The following NLRP11 variants were observed in gnomAD, a reference collection of about 807,000 sequenced individuals.
NLRP11 encodes the protein NLR family pyrin domain containing 11.
In NLRP11, 53 loss-of-function variants were observed where a neutral mutation model predicts 79.3. That is an observed-to-expected ratio of 0.67 (90% CI 0.54 to 0.84). The LOEUF (loss-of-function observed/expected upper bound fraction) is 0.84, where lower values mean the gene tolerates loss of function less well. Among genes scored for constraint, NLRP11 ranks in the 40% least tolerant of loss-of-function variants. The pLI is 0.00. For missense variants in NLRP11, 1,264 were observed against 1,255.0 expected (o/e 1.01, Z -0.11); for synonymous variants, 518 against 462.6 (o/e 1.12, Z -1.54).
At chr19:55,820,430 A>T (rs1246575428) in intron 1 of NLRP11, among the ~76,000 whole-genome samples, 1 of 152,098 alleles carries the variant, frequency 6.6e-6, no homozygotes, top group Non-Finnish European at 1.5e-5. Context: ...GTGGCAGGGG[A>T]TAGACAAATG....
At chr19:55,808,864 T>C (rs1000675174) in exon 3 of NLRP11, 1 of 1,613,966 alleles carries the variant, frequency 6.2e-7, no homozygotes, top group Non-Finnish European at 8.5e-7. Flanking sequence ...CCAGACAGTA[T>C]AATGAGACCA....
chr19:55,827,678 C>T (rs1982363210), intron 1 of NLRP11, among the ~76,000 whole-genome samples: 1 of 151,640 alleles, frequency 6.6e-6, no homozygotes, highest in African/African-American at 2.4e-5. Flanking sequence ...CTCATCATCA[C>T]TGGCCATCAG....
In NLRP11 at chr19:55,821,262, A is replaced by AGTTTGTAAT. The variant is rs1981704286; in HGVS notation, c.-62-3035_-62-3027dup. The stretch of plus-strand genomic sequence containing the variant: ...ACACACACACACACCCCAAGCACTG[A>AGTTTGTAAT]GTTTGTAATGATCTTCCACAGCAGC... On this transcript the variant is annotated intron_variant, in intron 1 of 9. Transcript: ENST00000589093. Among the ~76,000 whole-genome samples, 8 of 149,096 alleles carry AGTTTGTAAT rather than the reference A, an allele frequency of 5.4e-5. No homozygotes were observed. The South Asian group carries it at 1.5e-3, about 28-fold the overall frequency.
At chr19:55,796,313 TAAAAAA>T in intron 5 of NLRP11, 63 bp from the exon 6 acceptor site, 1 of 1,013,218 alleles carries the variant, frequency 9.9e-7, no homozygotes, top group Non-Finnish European at 1.4e-6. Flanking sequence ...TCTTTTAAAT[TAAAAAA>T]AAAAAAAAAG....
intron 5 of NLRP11, 128 bp from the exon 6 acceptor site, chr19:55,796,378 C>A: frequency 1.3e-6 from 1 of 771,068 alleles, no homozygotes; most frequent in East Asian, 2.7e-5. Flanking sequence ...AAATAGATCC[C>A]TTTGCTTCTA....
At chr19:55,819,642 G>A (rs1981489772) in intron 1 of NLRP11, among the ~76,000 whole-genome samples, 1 of 152,152 alleles carries the variant, frequency 6.6e-6, no homozygotes, top group African/African-American at 2.4e-5. Flanking sequence ...CAGAGAACAA[G>A]GGATAAATAG....
At chr19:55,828,166 A>G (rs1286118784) in intron 1 of NLRP11, among the ~76,000 whole-genome samples, 7 of 151,564 alleles carry the variant, frequency 4.6e-5, no homozygotes, top group Non-Finnish European at 7.4e-5. Context: ...TATCACAAGA[A>G]CAAAAAACCA....
At chr19:55,834,983 G>A (rs182452315), upstream of NLRP11, among the ~76,000 whole-genome samples, 15 of 152,208 alleles carry the variant, frequency 9.9e-5, no homozygotes, top group East Asian at 2.7e-3. Context: ...AATTTATTTT[G>A]GTGGGAACCC....
At chr19:55,788,345 A>G (rs1452187585) in intron 9 of NLRP11, among the ~76,000 whole-genome samples, 2 of 151,182 alleles carry the variant, frequency 1.3e-5, no homozygotes, top group Admixed American at 6.6e-5. Flanking sequence ...TACATTTTCA[A>G]TCTCCCAAGA....
rs994534757 is a variant in NLRP11 at position 55,811,043 on chromosome 19, G to A, written c.272-705C>T. On this transcript the variant is annotated intron_variant, in intron 2 of 9. Coordinates refer to ENST00000589093, the Ensembl canonical transcript of NLRP11. ...GAGTTCAGGGACTGTTTCCTGGTACGTATTCAGCTCAAAGTATCTATTACA... is the reference window on the plus strand; with the variant it reads ...GAGTTCAGGGACTGTTTCCTGGTACATATTCAGCTCAAAGTATCTATTACA... Among the ~76,000 whole-genome samples the A allele has an allele frequency of 3.9e-5, 6 of 152,086 alleles. No individual in the cohort carries two copies. The East Asian group carries it at 5.8e-4, about 15-fold the overall frequency.
intron 4 of NLRP11, among the ~76,000 whole-genome samples, chr19:55,803,387 T>C (rs778159009): frequency 6.6e-6 from 1 of 152,116 alleles, no homozygotes; most frequent in Non-Finnish European, 1.5e-5. Context: ...AATACCATTC[T>C]GGACATAGGA....
rs762265146 is a variant in NLRP11 at position 55,792,517 on chromosome 19, A to G, written c.2343-46T>C. 4.5e-6 allele frequency: 7 copies of G among 1,559,286 alleles called. No individual in the cohort carries two copies. In the African/African-American group the frequency reaches 9.5e-5, roughly 21 times the overall value. Reference sequence around the variant, plus strand: ...GTCAGTGACAGTGTGAGCACCAGAGAGGGGAGCACCTGAGACCACCCACCC... The same window carrying G: ...GTCAGTGACAGTGTGAGCACCAGAGGGGGGAGCACCTGAGACCACCCACCC... On this transcript the variant is annotated intron_variant, in intron 6 of 9. Coordinates refer to ENST00000589093, the Ensembl canonical transcript of NLRP11.
intron 1 of NLRP11, among the ~76,000 whole-genome samples, chr19:55,820,364 G>A (rs143129803): frequency 5.1e-4 from 77 of 152,248 alleles, no homozygotes; most frequent in Non-Finnish European, 9.1e-4. Flanking sequence ...GGGCAAAGGA[G>A]AAGACAAACC....
At chr19:55,804,883 T>C (rs1231417921) in intron 4 of NLRP11, among the ~76,000 whole-genome samples, 1 of 152,054 alleles carries the variant, frequency 6.6e-6, no homozygotes, top group Non-Finnish European at 1.5e-5. Context: ...GCTAACATAG[T>C]GAAACCCTGT....
Position 55,830,761 on chromosome 19 carries a change from A to AAGGTGTTGACTGAACTATG in NLRP11, c.-63+1201_-63+1202insCATAGTTCAGTCAACACCT, listed in dbSNP as rs1341273231. On this transcript the variant is annotated intron_variant, in intron 1 of 9. Coordinates refer to ENST00000589093, the Ensembl canonical transcript of NLRP11. ...TGGAATTTGCTGTTGACTGAACTAT[A>AAGGTGTTGACTGAACTATG]AGGTGCCAACTGAACTATGAGGTGA... Among the ~76,000 whole-genome samples, 3 of 152,274 alleles carry AAGGTGTTGACTGAACTATG rather than the reference A, an allele frequency of 2.0e-5. No homozygotes were observed. The East Asian group carries it at 5.8e-4, about 29-fold the overall frequency.
intron 5 of NLRP11, among the ~76,000 whole-genome samples, chr19:55,797,798 G>A (rs1381169147): frequency 6.6e-6 from 1 of 152,132 alleles, no homozygotes; most frequent in Non-Finnish European, 1.5e-5. Flanking sequence ...AAACTTGAGA[G>A]AAGAGGGCAA....
rs570142533 is a variant in NLRP11 at position 55,810,600 on chromosome 19, G to A, written c.272-262C>T. ...CAGCCTCCACCTCCCAGGTTCAAGC[G>A]ATTCTCCTGCCTCAGCCTCCCAAGT... On this transcript the variant is annotated intron_variant, in intron 2 of 9. Coordinates refer to ENST00000589093, the Ensembl canonical transcript of NLRP11. 3.9e-3 allele frequency among the ~76,000 whole-genome samples: 590 copies of A among 152,226 alleles called. 2 individuals carry two copies. The highest frequency in any genetic ancestry group is 5.6e-3 in the Non-Finnish European group (378 of 67,996).
At chr19:55,812,453 T>C (rs1980694475) in intron 2 of NLRP11, among the ~76,000 whole-genome samples, 2 of 152,120 alleles carry the variant, frequency 1.3e-5, no homozygotes. Context: ...AGGACCAGTA[T>C]AAAATACGTG....
chr19:55,801,499 G>C, intron 5 of NLRP11, 73 bp downstream of exon 5: 1 of 1,197,336 alleles, frequency 8.4e-7, no homozygotes, highest in Non-Finnish European at 1.2e-6. Context: ...TGTTATTGAA[G>C]GGGCACCTCT....
Sources: gnomAD v4.1 joint callset for allele counts (sites outside exome capture counted in the v4.1 genomes callset) on GRCh38, gnomAD v4.1.1 for gene constraint, MANE v1.5 for transcripts, NCBI Gene and HGNC (gene_info 2026-07-23, HGNC 2026-07-21) for gene names.